Variants in SGK1 observed in about 807,000 individuals in gnomAD.
SGK1 encodes the protein serum/glucocorticoid regulated kinase 1, also known as serine/threonine-protein kinase Sgk1.
In SGK1, 26 loss-of-function variants were observed where a neutral mutation model predicts 64.2. The observed-to-expected ratio is 0.40, with a 90% confidence interval of 0.30 to 0.56. The LOEUF (loss-of-function observed/expected upper bound fraction) is 0.56. SGK1 is among the 20% of genes least tolerant of loss of function. The probability of loss-of-function intolerance (pLI) is 0.38; values close to 1 mark genes in which losing one functional copy is unlikely to be tolerated. For missense variants in SGK1, 519 were observed against 645.6 expected, an observed-to-expected ratio of 0.80 and a Z score of 2.12; for synonymous variants, 265 against 239.7, an observed-to-expected ratio of 1.11 and a Z score of -0.98.
intron 1 of SGK1, among the ~76,000 whole-genome samples, chr6:134,283,902 A>G (rs1777139172): frequency 6.9e-6 from 1 of 145,784 alleles, no homozygotes; most frequent in South Asian, 2.2e-4. Context: ...AAAAAAAAAA[A>G]AAAAGCCTGA....
At chr6:134,299,139 T>C (rs1008479711) in intron 1 of SGK1, among the ~76,000 whole-genome samples, 1 of 149,950 alleles carries the variant, frequency 6.7e-6, no homozygotes. Context: ...AAGCAATCTG[T>C]GCAATTCACA....
At chr6:134,294,000 T>G (rs1249465944) in intron 1 of SGK1, among the ~76,000 whole-genome samples, 1 of 152,170 alleles carries the variant, frequency 6.6e-6, no homozygotes, top group South Asian at 2.1e-4. Context: ...GGTTCACTTT[T>G]GCGCCCACTG....
intron 11 of SGK1, 99 bp downstream of exon 11, chr6:134,171,538 G>A (rs1036697281): frequency 9.7e-5 from 76 of 784,102 alleles, no homozygotes; most frequent in Non-Finnish European, 1.3e-4. Flanking sequence ...TTTGATAAGC[G>A]TACTGGTAAG....
At chr6:134,275,948 G>A (rs1182216911) in intron 1 of SGK1, among the ~76,000 whole-genome samples, 2 of 152,150 alleles carry the variant, frequency 1.3e-5, no homozygotes, top group African/African-American at 4.8e-5. Flanking sequence ...CACATTCATT[G>A]CTTTGCTTGT....
chr6:134,283,053 CA>C (rs1192154480), intron 1 of SGK1: 1 of 151,786 alleles, frequency 6.6e-6, no homozygotes, highest in Non-Finnish European at 1.5e-5. Flanking sequence ...TCCCATGTAC[CA>C]AAACTTAAAT....
intron 1 of SGK1, among the ~76,000 whole-genome samples, chr6:134,264,501 AT>A (rs1431893057): frequency 6.6e-6 from 1 of 152,050 alleles, no homozygotes; most frequent in Non-Finnish European, 1.5e-5. Flanking sequence ...TTGATTTACT[AT>A]TTCACTTTCA....
chr6:134,233,368 G>A (rs1252326944), intron 2 of SGK1, among the ~76,000 whole-genome samples: 1 of 152,124 alleles, frequency 6.6e-6, no homozygotes, highest in African/African-American at 2.4e-5. Flanking sequence ...TGCGTCACTG[G>A]GTAAAGAGGA....
At chr6:134,298,708 G>C (rs1295618174) in intron 1 of SGK1, 2 of 668,214 alleles carry the variant, frequency 3.0e-6, no homozygotes, top group Non-Finnish European at 4.5e-6. Context: ...GTGGAGGCAG[G>C]AGTGGAGGCA....
At chr6:134,182,386 A>C (rs1775344825) in intron 3 of SGK1, among the ~76,000 whole-genome samples, 1 of 151,906 alleles carries the variant, frequency 6.6e-6, no homozygotes, top group African/African-American at 2.4e-5. Context: ...GTCTCTACTA[A>C]AAATACAAAA....
intron 1 of SGK1, among the ~76,000 whole-genome samples, chr6:134,277,225 G>A (rs1777031303): frequency 6.6e-6 from 1 of 152,096 alleles, no homozygotes; most frequent in Non-Finnish European, 1.5e-5. Context: ...GGGAGGCTGA[G>A]GCAGAAGAAT....
chr6:134,313,360 A>C (rs879653147), intron 1 of SGK1, among the ~76,000 whole-genome samples: 10 of 151,628 alleles, frequency 6.6e-5, no homozygotes, highest in Middle Eastern at 3.4e-3. Context: ...AACCAACCAA[A>C]CAAACAAACA....
At chr6:134,214,038 T>C (rs1268460007) in intron 2 of SGK1, among the ~76,000 whole-genome samples, 1 of 152,174 alleles carries the variant, frequency 6.6e-6, no homozygotes, top group Non-Finnish European at 1.5e-5. Flanking sequence ...GCTGGAATAT[T>C]TTAAATCAAG....
rs1177439458 is a variant in SGK1, at chr6:134,194,470, A to C, written c.361+12886T>G. Among the ~76,000 whole-genome samples, 3 of 151,726 alleles carry C rather than the reference A, an allele frequency of 2.0e-5. No homozygotes were observed. The East Asian group carries it at 5.8e-4, about 29-fold the overall frequency. ...GTTCTGAGGGCTGCTTGATTGGAGAATCATTCTTTGCTCAAATAAGCTGTT... is the reference window on the plus strand; with the variant it reads ...GTTCTGAGGGCTGCTTGATTGGAGACTCATTCTTTGCTCAAATAAGCTGTT... On this transcript the variant is annotated intron_variant, in intron 3 of 13. Transcript: ENST00000367858.
intron 1 of SGK1, among the ~76,000 whole-genome samples, chr6:134,285,817 G>T (rs1202587180): frequency 6.6e-6 from 1 of 151,944 alleles, no homozygotes; most frequent in Non-Finnish European, 1.5e-5. Flanking sequence ...TGTGCTAAAG[G>T]TCAGTATTTT....
At chr6:134,303,794 A>AAAAAGAAAAG (rs71545100) in intron 1 of SGK1, among the ~76,000 whole-genome samples, 38 of 150,470 alleles carry the variant, frequency 2.5e-4, no homozygotes, top group South Asian at 1.5e-3. Context: ...CAAGAAAAAA[A>AAAAAGAAAAG]AAAAGAAAAG....
intron 1 of SGK1, among the ~76,000 whole-genome samples, chr6:134,301,509 T>TTCTTC (rs1311366473): frequency 1.3e-5 from 2 of 151,462 alleles, no homozygotes; most frequent in Non-Finnish European, 2.9e-5. Flanking sequence ...GGACCACCTT[T>TTCTTC]TCTTCTCTTC....
At chr6:134,245,438 A>C (rs187122015) in intron 2 of SGK1, among the ~76,000 whole-genome samples, 1 of 152,372 alleles carries the variant, frequency 6.6e-6, no homozygotes, top group East Asian at 1.9e-4. Context: ...AGGTTTTGTC[A>C]ACAATAGATA....
intron 1 of SGK1, among the ~76,000 whole-genome samples, chr6:134,274,352 A>G (rs1370223708): frequency 1.3e-5 from 2 of 152,192 alleles, no homozygotes; most frequent in East Asian, 1.9e-4. Context: ...AAGATGGTCA[A>G]GATCAAAGGA....
chr6:134,253,332 T>G lies in SGK1; in HGVS notation c.285+8601A>C, dbSNP rs1271726139. On this transcript the variant is annotated intron_variant, in intron 2 of 13. Transcript: ENST00000367858. The stretch of plus-strand genomic sequence containing the variant: ...CTTTTTGTGGAGAACGGGGTCTCGC[T>G]ATATTGCCCAGGCAGGTCTCGAACT... 3.3e-5 allele frequency among the ~76,000 whole-genome samples: 5 copies of G among 151,560 alleles called. 1 individual carries two copies. Among genetic ancestry groups the G allele is most frequent in the Admixed American group, 2.6e-4 (4 of 15,208 alleles).
Sources: gnomAD v4.1 joint callset for allele counts (sites outside exome capture counted in the v4.1 genomes callset) on GRCh38, gnomAD v4.1.1 for gene constraint, MANE v1.5 for transcripts, NCBI Gene and HGNC (gene_info 2026-07-23, HGNC 2026-07-21) for gene names.